The following ANK3 variants were observed in gnomAD, a reference collection of about 807,000 sequenced individuals.
ANK3 encodes the protein ankyrin-3.
Under a neutral mutation model 370.9 loss-of-function variants are expected in ANK3, and 57 were observed. The ratio of observed to expected loss-of-function variants is 0.15; its 90% CI spans 0.12 to 0.19. The LOEUF is 0.19. Among genes scored for constraint, ANK3 ranks in the 10% least tolerant of loss-of-function variants. The pLI, the probability that ANK3 is intolerant of heterozygous loss-of-function variation, is 1.00. For synonymous variants in ANK3, 1,929 were observed against 1,946.3 expected, an observed-to-expected ratio of 0.99 and a Z score of 0.23; for missense variants, 4,439 against 5,302.1, an observed-to-expected ratio of 0.84 and a Z score of 5.06.
At chr10:60,579,122 C>T (rs1238151227) in intron 2 of ANK3, among the ~76,000 whole-genome samples, 2 of 151,670 alleles carry the variant, frequency 1.3e-5, no homozygotes, top group Admixed American at 6.6e-5. Context: ...GTCAAGAGAT[C>T]GAGACCATCT....
chr10:60,559,413 T>A (rs2077284071), intron 2 of ANK3, among the ~76,000 whole-genome samples: 1 of 152,198 alleles, frequency 6.6e-6, no homozygotes, highest in South Asian at 2.1e-4. Context: ...GCTTTCCAAT[T>A]CCATCCAAGT....
At chr10:60,681,077 C>G (rs937658207) in intron 1 of ANK3, among the ~76,000 whole-genome samples, 1 of 152,106 alleles carries the variant, frequency 6.6e-6, no homozygotes, top group African/African-American at 2.4e-5. Flanking sequence ...TTCAACTTCT[C>G]CCTCTCCTCT....
intron 1 of ANK3, among the ~76,000 whole-genome samples, chr10:60,286,356 TTCTG>T (rs1367236117): frequency 1.3e-5 from 2 of 152,180 alleles, no homozygotes; most frequent in African/African-American, 4.8e-5. Flanking sequence ...TTATGTATCA[TTCTG>T]TCTTTTTTTG....
intron 2 of ANK3, among the ~76,000 whole-genome samples, chr10:60,448,988 C>G (rs1416783519): frequency 6.6e-6 from 1 of 152,158 alleles, no homozygotes. Flanking sequence ...TAACAAATGT[C>G]TCATCTCAAA....
At chr10:60,104,741 T>C (rs942076246) in intron 28 of ANK3, among the ~76,000 whole-genome samples, 5 of 152,198 alleles carry the variant, frequency 3.3e-5, no homozygotes, top group Admixed American at 2.6e-4. Context: ...ATACCAAACC[T>C]TTGGCATGAC....
rs368175435 is a variant in ANK3 at position 60,071,151 on chromosome 10, G to T, written c.9730C>A (p.Pro3244Thr). 6.2e-7 allele frequency: 1 copy of T among 1,613,956 alleles called. No individual in the cohort carries two copies. Residue 3244 changes from proline to threonine, a missense_variant, in exon 37 of 44, where the codon CCC becomes ACC. This residue lies in a region of ANK3 where 1,601 missense variants were observed against 1,731.7 expected (regional missense o/e 0.92). Coordinates refer to ENST00000280772, the MANE Select transcript of ANK3 (RefSeq NM_020987.5). ...NDVSKDSNQRPKNNRVAYIEF... is the reference protein window; with the variant it reads ...NDVSKDSNQRTKNNRVAYIEF... ...ATATAGGCAACTCTGTTATTTTTGGGTCTTTGGTTAGAGTCTTTGCTCACG... is the reference window on the plus strand; with the variant it reads ...ATATAGGCAACTCTGTTATTTTTGGTTCTTTGGTTAGAGTCTTTGCTCACG...
chr10:60,270,205 C>T lies in ANK3; in HGVS notation c.439G>A (p.Ala147Thr). The change falls in exon 5 of 44, where the codon GCA becomes ACA. Residue 147 changes from alanine (A) to threonine (T), a missense_variant. Ala to Thr is a moderately conservative substitution (Grantham distance 58). This residue lies in a region of ANK3 where 136 missense variants were observed against 230.5 expected (regional missense o/e 0.59). Coordinates refer to ENST00000280772, the MANE Select transcript of ANK3 (RefSeq NM_020987.5). ...ACTTCCAGGTGATTTTCCTGGGCTGCCATATACAATGGCGTGAAACCATTC... is the reference window on the plus strand; with the variant it reads ...ACTTCCAGGTGATTTTCCTGGGCTGTCATATACAATGGCGTGAAACCATTC... ...SQNGFTPLYM[A>T]AQENHLEVVK... 6.3e-7 allele frequency: 1 copy of T among 1,598,794 alleles called. No homozygotes were observed. Among genetic ancestry groups the T allele is most frequent in the Non-Finnish European group, 8.5e-7 (1 of 1,171,224 alleles).
chr10:60,050,388 C>A (rs2077714141), intron 42 of ANK3, among the ~76,000 whole-genome samples: 1 of 152,120 alleles, frequency 6.6e-6, no homozygotes, highest in African/African-American at 2.4e-5. Context: ...TGTATTAGGG[C>A]AGATTTGGTG....
intron 1 of ANK3, among the ~76,000 whole-genome samples, chr10:60,631,500 C>A (rs1027595259): frequency 6.6e-6 from 1 of 151,752 alleles, no homozygotes; most frequent in South Asian, 2.1e-4. Flanking sequence ...CCACTGTACC[C>A]CAGCCTGGTG....
intron 2 of ANK3, among the ~76,000 whole-genome samples, chr10:60,553,085 G>T (rs1025673386): frequency 2.0e-5 from 3 of 152,162 alleles, no homozygotes; most frequent in African/African-American, 7.2e-5. Context: ...AGCAGCATGA[G>T]AATGGACTAA....
At chr10:60,043,152 G>A (rs1211278401) in intron 42 of ANK3, 1 of 991,716 alleles carries the variant, frequency 1.0e-6, no homozygotes, top group Admixed American at 6.0e-5. Flanking sequence ...TGGAAATGCT[G>A]TTGATCTGAG....
chr10:60,561,487 A>G (rs1174347881), intron 2 of ANK3, among the ~76,000 whole-genome samples: 1 of 152,222 alleles, frequency 6.6e-6, no homozygotes, highest in Non-Finnish European at 1.5e-5. Context: ...AGTAAAATAA[A>G]AGTTCATCAT....
intron 38 of ANK3, among the ~76,000 whole-genome samples, chr10:60,065,620 A>G (rs1293313111): frequency 1.3e-5 from 2 of 152,204 alleles, no homozygotes; most frequent in African/African-American, 2.4e-5. Flanking sequence ...GAACAAAAGG[A>G]TAAGAGTTAA....
chr10:60,617,455 G>A (rs558301180), intron 1 of ANK3, among the ~76,000 whole-genome samples: 70 of 152,172 alleles, frequency 4.6e-4, no homozygotes, highest in African/African-American at 1.6e-3. Context: ...TGCAAAATTT[G>A]CTTTGAGGCA....
intron 2 of ANK3, among the ~76,000 whole-genome samples, chr10:60,488,128 G>A (rs879530939): frequency 2.0e-5 from 3 of 152,076 alleles, no homozygotes; most frequent in East Asian, 3.9e-4. Context: ...GTGTACAGAG[G>A]GTAGAGAAGC....
At chr10:60,235,776 A>G (rs1292995765) in intron 7 of ANK3, among the ~76,000 whole-genome samples, 7 of 152,162 alleles carry the variant, frequency 4.6e-5, no homozygotes, top group Non-Finnish European at 1.0e-4. Flanking sequence ...TAAATGAACT[A>G]GGCTCACAGG....
chr10:60,233,381 A>G (rs1344066159), intron 8 of ANK3, among the ~76,000 whole-genome samples: 1 of 152,242 alleles, frequency 6.6e-6, no homozygotes, highest in Non-Finnish European at 1.5e-5. Context: ...CCAAAGAAGC[A>G]ACATGACATA....
At chr10:60,542,259 T>A (rs770784613) in intron 2 of ANK3, among the ~76,000 whole-genome samples, 1 of 151,910 alleles carries the variant, frequency 6.6e-6, no homozygotes, top group Non-Finnish European at 1.5e-5. Context: ...CCTCAGAAAC[T>A]GTCCAGTTCT....
chr10:60,655,306 A>G (rs2078848660), intron 1 of ANK3, among the ~76,000 whole-genome samples: 1 of 151,948 alleles, frequency 6.6e-6, no homozygotes, highest in South Asian at 2.1e-4. Flanking sequence ...TAGCAGCTCC[A>G]GGCATGTTGT....
Sources: gnomAD v4.1 joint callset for allele counts (sites outside exome capture counted in the v4.1 genomes callset) on GRCh38, gnomAD v4.1.1 for gene constraint, gnomAD v4.1.1 regional missense constraint, MANE v1.5 for transcripts, NCBI Gene and HGNC (gene_info 2026-07-23, HGNC 2026-07-21) for gene names.